The following CLUH variants were observed in gnomAD, a reference collection of about 807,000 sequenced individuals.
The protein encoded by CLUH is CLUH binding protein of NUMT mRNA, also known as clustered mitochondria protein homolog.
A neutral mutation model predicts 139.3 loss-of-function variants in CLUH; 77 were observed. That is an observed-to-expected ratio of 0.55 (90% confidence interval 0.46 to 0.67). The LOEUF is 0.67. CLUH is among the 30% of genes least tolerant of loss of function. The probability of loss-of-function intolerance (pLI) is 0.00; values close to 1 mark genes in which losing one functional copy is unlikely to be tolerated. For missense variants in CLUH, 1,876 were observed against 1,875.8 expected, an observed-to-expected ratio of 1.00 and a Z score of 0.00; for synonymous variants, 999 against 801.6, an observed-to-expected ratio of 1.25 and a Z score of -4.16.
chr17:2,707,801 G>A lies in CLUH; in HGVS notation c.101-3237C>T. 2.0e-6 allele frequency: 2 copies of A among 985,442 alleles called. No individual in the cohort carries two copies. The highest frequency in any genetic ancestry group is 2.4e-6 in the Non-Finnish European group (2 of 829,908). The allele number at this position is 985,442 out of a possible 1,614,324, so 61.0% of individuals were successfully genotyped here. A position where few individuals can be genotyped will look rare whatever the true frequency, so the allele number is the denominator to read the frequency against. Reference sequence around the variant, plus strand: ...GAGCACCCCACTGTCCCTGGGCCAAGGGCCTGGCTGGGACCTCTGGCTCCT... The same window carrying A: ...GAGCACCCCACTGTCCCTGGGCCAAAGGCCTGGCTGGGACCTCTGGCTCCT... On this transcript the variant is annotated intron_variant, in intron 1 of 25. Transcript: ENST00000651024. The surrounding 1 kb of genome is among the most constrained non-coding windows in gnomAD (Gnocchi z 7.4).
At chr17:2,695,141 C>T (rs748319705) in intron 15 of CLUH, 40 bp from the exon 16 acceptor site, 2 of 1,613,010 alleles carry the variant, frequency 1.2e-6, no homozygotes, top group East Asian at 2.2e-5. Context: ...GGGCCCTCAG[C>T]CCCACCTCAG....
In CLUH at chr17:2,691,804, T is replaced by A; in HGVS notation, c.3746A>T (p.Glu1249Val). 1 of 1,584,214 alleles carries A rather than the reference T, an allele frequency of 6.3e-7. No homozygotes were observed. Among genetic ancestry groups the A allele is most frequent in the African/African-American group, 1.3e-5 (1 of 74,332 alleles). The change falls in exon 24 of 26, where the codon GAG becomes GTG. Residue 1249 changes from glutamate (E) to valine (V), a missense_variant. By Grantham distance (121) the Glu-to-Val change is moderately radical. Around this residue, in one of 3 missense-constraint regions of CLUH, gnomAD observed 1,454 missense variants for 1,384.4 expected, o/e 1.05. Coordinates refer to ENST00000651024, the MANE Select transcript of CLUH (RefSeq NM_001366661.1). ...GGCGCTGGAGCCGTTGCGGTAGATCTCGTTCATGGTGCGCTGCAGGGCCAC... is the reference window on the plus strand; with the variant it reads ...GGCGCTGGAGCCGTTGCGGTAGATCACGTTCATGGTGCGCTGCAGGGCCAC... ...QAVALQRTMN[E>V]IYRNGSSANI... is the part of the protein sequence containing the mutation.
At position 2,703,529 on chromosome 17, in the gene CLUH, CGTA is replaced by C. The variant is rs778128805; in HGVS notation, c.304-43_304-41del. ...CCCCGCCCACCCCGGTGAGAGAGCACGTAGCGGGGAGAGAAGGCCCCAACCGCC... is the reference window on the plus strand; with the variant it reads ...CCCCGCCCACCCCGGTGAGAGAGCACGCGGGGAGAGAAGGCCCCAACCGCC... On this transcript the variant is annotated intron_variant, in intron 2 of 25. Coordinates refer to ENST00000651024, the MANE Select transcript of CLUH (RefSeq NM_001366661.1). The surrounding 1 kb of genome is among the most constrained non-coding windows in gnomAD (Gnocchi z 4.2). The C allele has an allele frequency of 2.5e-6, 4 of 1,597,036 alleles. No individual in the cohort carries two copies. The highest frequency in any genetic ancestry group is 1.7e-4 in the Middle Eastern group (1 of 5,960).
At position 2,703,530 on chromosome 17, in the gene CLUH, G is replaced by C; in HGVS notation, c.304-41C>G. 2 of 1,593,366 alleles carry C rather than the reference G, an allele frequency of 1.3e-6. No individual in the cohort carries two copies. Among genetic ancestry groups the C allele is most frequent in the Non-Finnish European group, 1.7e-6 (2 of 1,166,890 alleles). ...CCCGCCCACCCCGGTGAGAGAGCACGTAGCGGGGAGAGAAGGCCCCAACCG... is the reference window on the plus strand; with the variant it reads ...CCCGCCCACCCCGGTGAGAGAGCACCTAGCGGGGAGAGAAGGCCCCAACCG... On this transcript the variant is annotated intron_variant, in intron 2 of 25. Coordinates refer to ENST00000651024, the MANE Select transcript of CLUH (RefSeq NM_001366661.1). The surrounding 1 kb of genome is among the most constrained non-coding windows in gnomAD (Gnocchi z 4.2).
At chr17:2,701,775 C>A in intron 4 of CLUH, 38 bp from the exon 5 acceptor site, 1 of 1,556,108 alleles carries the variant, frequency 6.4e-7, no homozygotes, top group Non-Finnish European at 8.7e-7. Flanking sequence ...ACAGGGCCAC[C>A]CAGGGCCAGC....
chr17:2,690,853 G>A (rs1205392136), intron 25 of CLUH, 76 bp from the exon 26 acceptor site: 14 of 1,228,428 alleles, frequency 1.1e-5, no homozygotes, highest in Non-Finnish European at 7.6e-6. Flanking sequence ...GCTTTCCTGT[G>A]GGATAAGCTC....
intron 25 of CLUH, 37 bp downstream of exon 25, chr17:2,691,572 C>T: frequency 1.3e-6 from 2 of 1,597,684 alleles, no homozygotes; most frequent in Non-Finnish European, 1.7e-6. Context: ...CAAAAAACCC[C>T]CAACCGGGAG....
rs1484318439 is a variant in CLUH, at chr17:2,691,765, A to C, written c.3785T>G (p.Leu1262Arg). The C allele has an allele frequency of 6.3e-7, 1 of 1,595,826 alleles. No homozygotes were observed. Among genetic ancestry groups the C allele is most frequent in the Admixed American group, 1.7e-5 (1 of 57,222 alleles). Reference protein sequence around the residue: ...RNGSSANIPPLKFTAPSMASV... With the variant: ...RNGSSANIPPRKFTAPSMASV... Reference sequence around the variant, plus strand: ...GCCGCTCCGCCCCGGACTCACCTTGAGGGGCGGGATGTTGGCGCTGGAGCC... The same window carrying C: ...GCCGCTCCGCCCCGGACTCACCTTGCGGGGCGGGATGTTGGCGCTGGAGCC... Residue 1262 changes from leucine (L) to arginine (R), a missense_variant, in exon 24 of 26, where the codon CTC becomes CGC. By Grantham distance (102) the Leu-to-Arg change is moderately radical. Around this residue, in one of 3 missense-constraint regions of CLUH, gnomAD observed 1,454 missense variants for 1,384.4 expected, o/e 1.05. Transcript: ENST00000651024.
chr17:2,710,899 G>A (rs571552494), intron 1 of CLUH, among the ~76,000 whole-genome samples: 2 of 152,364 alleles, frequency 1.3e-5, no homozygotes, highest in Admixed American at 6.5e-5. Flanking sequence ...CAAGGAGTTT[G>A]GCTCTGCCCC....
intron 9 of CLUH, among the ~76,000 whole-genome samples, chr17:2,698,873 A>G (rs1339007814): frequency 6.6e-6 from 1 of 152,042 alleles, no homozygotes; most frequent in Non-Finnish European, 1.5e-5. Flanking sequence ...GTGAAACCCC[A>G]TCTCTAATAA....
Position 2,691,781 on chromosome 17 carries a change from C to A in CLUH, c.3769G>T (p.Ala1257Ser), listed in dbSNP as rs766167419. The A allele has an allele frequency of 3.1e-6, 5 of 1,592,414 alleles. No homozygotes were observed. Among genetic ancestry groups the A allele is most frequent in the Non-Finnish European group, 4.3e-6 (5 of 1,170,260 alleles). Reference sequence around the variant, plus strand: ...CTCACCTTGAGGGGCGGGATGTTGGCGCTGGAGCCGTTGCGGTAGATCTCG... The same window carrying A: ...CTCACCTTGAGGGGCGGGATGTTGGAGCTGGAGCCGTTGCGGTAGATCTCG... ...MNEIYRNGSS[A>S]NIPPLKFTAP... is the part of the protein sequence containing the mutation. Residue 1257 changes from alanine (A) to serine (S), a missense_variant, in exon 24 of 26, where the codon GCC (alanine) becomes TCC (serine). Ala to Ser is a moderately conservative substitution (Grantham distance 99). Transcript: ENST00000651024.
rs377408104 is a variant in CLUH, at chr17:2,701,207, G to A, written c.958C>T (p.Leu320=). 83 of 1,613,870 alleles carry A rather than the reference G, an allele frequency of 5.1e-5. No homozygotes were observed. The highest frequency in any genetic ancestry group is 6.8e-5 in the Non-Finnish European group (80 of 1,179,898). The part of the protein sequence containing the change: ...PASPRFLSHS[L]VELLNQISPT... ...CTGATCTGGTTGAGCAGCTCCACTA[G>A]GGAATGGCTTAGGAAGCGGGGGCTG... Residue 320 remains leucine (L), a synonymous_variant, in exon 7 of 26, where the codon CTA becomes TTA. Coordinates refer to ENST00000651024, the MANE Select transcript of CLUH (RefSeq NM_001366661.1).
intron 23 of CLUH, 26 bp downstream of exon 23, chr17:2,691,978 G>GCCCCCGC (rs771449168): frequency 4.1e-6 from 2 of 489,732 alleles, no homozygotes; most frequent in African/African-American, 8.4e-5. Context: ...CCCCGCCCCC[G>GCCCCCGC]CCCCCGCCAC....
intron 4 of CLUH, 60 bp downstream of exon 4, chr17:2,701,853 GC>G (rs2070194228): frequency 6.2e-7 from 1 of 1,603,942 alleles, no homozygotes; most frequent in Non-Finnish European, 8.5e-7. Flanking sequence ...CCCTTCTCCA[GC>G]CCCCCACCTC....
At chr17:2,710,198 G>A (rs2070470835) in intron 1 of CLUH, among the ~76,000 whole-genome samples, 1 of 152,168 alleles carries the variant, frequency 6.6e-6, no homozygotes, top group East Asian at 1.9e-4. Context: ...CGACTCTTCG[G>A]GTCTCTGCTA....
chr17:2,694,822 T>TCCCCCCC, intron 16 of CLUH, 35 bp downstream of exon 16: 38 of 1,346,336 alleles, frequency 2.8e-5, no homozygotes, highest in Non-Finnish European at 3.6e-5. Flanking sequence ...ATCTGCCCAA[T>TCCCCCCC]CCCACCCACC....
intron 25 of CLUH, 88 bp from the exon 26 acceptor site, chr17:2,690,865 GGCTCTGC>G: frequency 9.2e-7 from 1 of 1,085,268 alleles, no homozygotes; most frequent in Non-Finnish European, 1.3e-6. Flanking sequence ...GATAAGCTCA[GGCTCTGC>G]GCTCTATTCA....
rs772563834 is a variant in CLUH, at chr17:2,700,641, G to A, written c.1173+37C>T. The A allele has an allele frequency of 1.5e-5, 23 of 1,516,914 alleles. No homozygotes were observed. In the East Asian group the frequency reaches 5.0e-4, roughly 33 times the overall value. 94.0% of individuals were successfully genotyped at this position (1,516,914 alleles called of 1,614,324 possible). On this transcript the variant is annotated intron_variant, in intron 8 of 25. Coordinates refer to ENST00000651024, the MANE Select transcript of CLUH (RefSeq NM_001366661.1). ...AACCAGCCCAGCACCCAGGAGGGCAGGGGTGCCCAGCGAGGGCAGGGCCAG... is the reference window on the plus strand; with the variant it reads ...AACCAGCCCAGCACCCAGGAGGGCAAGGGTGCCCAGCGAGGGCAGGGCCAG...
At chr17:2,708,440 G>C (rs1026006273) in intron 1 of CLUH, among the ~76,000 whole-genome samples, 4 of 152,148 alleles carry the variant, frequency 2.6e-5, no homozygotes, top group Admixed American at 2.0e-4. Context: ...ACAGAGCCAG[G>C]ACTCACGCTA....
Sources: gnomAD v4.1 joint callset for allele counts (sites outside exome capture counted in the v4.1 genomes callset) on GRCh38, gnomAD v4.1.1 for gene constraint, gnomAD v4.1.1 regional missense constraint, Gnocchi (gnomAD v3.1) non-coding constraint, MANE v1.5 for transcripts, NCBI Gene and HGNC (gene_info 2026-07-23, HGNC 2026-07-21) for gene names.